ZZZ3: variants seen among roughly 807,000 people sequenced by gnomAD.
ZZZ3 encodes ZZ-type zinc finger-containing protein 3.
A neutral mutation model predicts 95.2 loss-of-function variants in ZZZ3; 22 were observed. The observed-to-expected ratio is 0.23, with a 90% CI of 0.17 to 0.33. The LOEUF (loss-of-function observed/expected upper bound fraction) is 0.33. Among genes scored for constraint, ZZZ3 ranks in the 10% least tolerant of loss-of-function variants. ZZZ3 has a pLI of 1.00. For synonymous variants in ZZZ3, 335 were observed against 358.9 expected, an observed-to-expected ratio of 0.93 and a Z score of 0.75; for missense variants, 885 against 1,066.5, an observed-to-expected ratio of 0.83 and a Z score of 2.37.
chr1:77,589,432 ATTT>A (rs932158565), intron 5 of ZZZ3, among the ~76,000 whole-genome samples: 2 of 150,518 alleles, frequency 1.3e-5, no homozygotes, highest in Non-Finnish European at 3.0e-5. Context: ...TTATTTATTT[ATTT>A]ATTTATTTAT....
At chr1:77,677,746 T>C (rs1672396694) in intron 1 of ZZZ3, among the ~76,000 whole-genome samples, 1 of 152,192 alleles carries the variant, frequency 6.6e-6, no homozygotes, top group African/African-American at 2.4e-5. Flanking sequence ...GTTATTAAGA[T>C]GCATTGTGAG....
chr1:77,612,792 G>A (rs1435209496), intron 5 of ZZZ3, among the ~76,000 whole-genome samples: 2 of 151,850 alleles, frequency 1.3e-5, no homozygotes, highest in Admixed American at 1.3e-4. Context: ...GCAGGGGGGT[G>A]GGGAAAGAGA....
intron 5 of ZZZ3, among the ~76,000 whole-genome samples, chr1:77,608,079 T>G (rs1013863285): frequency 2.0e-5 from 3 of 151,994 alleles, no homozygotes; most frequent in Non-Finnish European, 4.4e-5. Context: ...AAGAAAGACA[T>G]AGGGGTAGAA....
intron 5 of ZZZ3, among the ~76,000 whole-genome samples, chr1:77,615,734 A>G (rs149491711): frequency 1.3e-5 from 2 of 152,346 alleles, no homozygotes; most frequent in South Asian, 4.1e-4. Context: ...AACTGTTCCA[A>G]AAGTTGAGTT....
At chr1:77,648,586 T>C (rs1669514894) in intron 1 of ZZZ3, among the ~76,000 whole-genome samples, 1 of 152,002 alleles carries the variant, frequency 6.6e-6, no homozygotes, top group African/African-American at 2.4e-5. Context: ...ACACAGAGTT[T>C]GGAATGAAAA....
intron 5 of ZZZ3, among the ~76,000 whole-genome samples, chr1:77,631,318 T>C (rs981066281): frequency 3.9e-5 from 6 of 152,206 alleles, no homozygotes; most frequent in Admixed American, 3.9e-4. Flanking sequence ...TATACTGTCA[T>C]AGTGTTAATA....
chr1:77,629,269 A>T (rs1008061337), intron 5 of ZZZ3, among the ~76,000 whole-genome samples: 1 of 152,126 alleles, frequency 6.6e-6, no homozygotes, highest in Non-Finnish European at 1.5e-5. Context: ...ATGATACTCC[A>T]TCTCATTTCT....
intron 12 of ZZZ3, among the ~76,000 whole-genome samples, chr1:77,571,725 G>A (rs1661406211): frequency 1.3e-5 from 2 of 152,314 alleles, no homozygotes; most frequent in Admixed American, 6.5e-5. Context: ...GGTATGTAGA[G>A]TAGTCAAATT....
chr1:77,637,301 C>T (rs1446694764), intron 4 of ZZZ3, among the ~76,000 whole-genome samples: 1 of 152,010 alleles, frequency 6.6e-6, no homozygotes, highest in Non-Finnish European at 1.5e-5. Context: ...AAAAATCTTA[C>T]CTGAAATTAA....
rs1237832700 is a variant in ZZZ3, at chr1:77,632,783, G to A, written c.572C>T (p.Ala191Val). 6.2e-7 allele frequency: 1 copy of A among 1,614,126 alleles called. No homozygotes were observed. The highest frequency in any genetic ancestry group is 8.5e-7 in the Non-Finnish European group (1 of 1,180,028). The change falls in exon 5 of 15, where the codon GCA becomes GTA. Residue 191 changes from alanine to valine, a missense_variant. Physicochemically the swap from Ala to Val is moderately conservative, Grantham distance 64. This residue lies in a region of ZZZ3 where 556 missense variants were observed against 652.9 expected (regional missense o/e 0.85). Coordinates refer to ENST00000370801, the MANE Select transcript of ZZZ3 (RefSeq NM_015534.6). ...ATAGCCTGTGATTTCTTCAACTACT[G>A]CAGAATTAAGTGGCCCTTCCTCACT... ...NVSEEGPLNS[A>V]VVEEITGYLA...
chr1:77,594,193 A>G lies in ZZZ3; in HGVS notation c.1506-9538T>C, dbSNP rs72683647. ...GAGAATATTTAAAAAGACCTATGTGATAAGTTTCTCCTACTTTATAGTGTC... is the reference window on the plus strand; with the variant it reads ...GAGAATATTTAAAAAGACCTATGTGGTAAGTTTCTCCTACTTTATAGTGTC... On this transcript the variant is annotated intron_variant, in intron 5 of 14. Transcript: ENST00000370801. Among the ~76,000 whole-genome samples, 1,303 of 152,266 alleles carry G rather than the reference A, an allele frequency of 8.6e-3. 14 individuals carry two copies. The highest frequency in any genetic ancestry group is 0.012 in the Non-Finnish European group (834 of 67,976).
chr1:77,639,384 A>G (rs1161383964), intron 4 of ZZZ3, 65 bp downstream of exon 4: 2 of 1,176,822 alleles, frequency 1.7e-6, no homozygotes, highest in African/African-American at 3.2e-5. Flanking sequence ...CCCCATCTCA[A>G]AAAAAAAAAA....
intron 5 of ZZZ3, 82 bp from the exon 6 acceptor site, chr1:77,584,737 T>A: frequency 8.6e-7 from 1 of 1,158,906 alleles, no homozygotes; most frequent in Non-Finnish European, 1.2e-6. Context: ...CATGATCTAC[T>A]ATTAAGTCAC....
chr1:77,635,647 TGTAATCCC>T (rs1486088942), intron 4 of ZZZ3, among the ~76,000 whole-genome samples: 1 of 152,248 alleles, frequency 6.6e-6, no homozygotes, highest in Non-Finnish European at 1.5e-5. Context: ...GGCTCATGCC[TGTAATCCC>T]GGTACTTTGG....
intron 1 of ZZZ3, among the ~76,000 whole-genome samples, chr1:77,665,027 A>G (rs577565250): frequency 6.6e-6 from 1 of 152,168 alleles, no homozygotes; most frequent in African/African-American, 2.4e-5. Flanking sequence ...TCAGTTCCTT[A>G]ATGTCTTTAA....
chr1:77,636,687 G>A (rs1297839566), intron 4 of ZZZ3, among the ~76,000 whole-genome samples: 1 of 144,184 alleles, frequency 6.9e-6, no homozygotes, highest in African/African-American at 2.6e-5. Context: ...CTGGGTGATG[G>A]GAGCAAGGCC....
At chr1:77,623,507 A>C (rs1667068497) in intron 5 of ZZZ3, among the ~76,000 whole-genome samples, 1 of 152,320 alleles carries the variant, frequency 6.6e-6, no homozygotes, top group Non-Finnish European at 1.5e-5. Flanking sequence ...TTTAAACAAG[A>C]TATCACTAAG....
intron 5 of ZZZ3, among the ~76,000 whole-genome samples, chr1:77,623,009 A>G (rs1447359018): frequency 6.6e-6 from 1 of 152,220 alleles, no homozygotes; most frequent in Admixed American, 6.5e-5. Context: ...TTACAGTCAT[A>G]ACAGAGTAAC....
intron 3 of ZZZ3, 139 bp from the exon 4 acceptor site, chr1:77,639,741 T>C: frequency 3.3e-6 from 1 of 303,748 alleles, no homozygotes; most frequent in Non-Finnish European, 6.0e-6. Context: ...TCGGTAACTC[T>C]GTAGCCTCAA....
Sources: gnomAD v4.1 joint callset for allele counts (sites outside exome capture counted in the v4.1 genomes callset) on GRCh38, gnomAD v4.1.1 for gene constraint, gnomAD v4.1.1 regional missense constraint, MANE v1.5 for transcripts, NCBI Gene and HGNC (gene_info 2026-07-23, HGNC 2026-07-21) for gene names.